CSNK2A2IP: variants seen among roughly 807,000 people sequenced by gnomAD.
CSNK2A2IP encodes casein kinase II subunit alpha'-interacting protein.
At chr3:88,436,416 A>AT in the CSNK2A2IP span, among the ~76,000 whole-genome samples, 66 of 152,002 alleles carry the variant, frequency 4.3e-4, no homozygotes, top group Middle Eastern at 0.021. Context: ...ATATAAATTA[A>AT]TTTTTTTTGT....
At chr3:88,457,974 T>G in the CSNK2A2IP span, among the ~76,000 whole-genome samples, 1 of 151,738 alleles carries the variant, frequency 6.6e-6, no homozygotes, top group East Asian at 1.9e-4. Flanking sequence ...TGTTCTTGAG[T>G]GAGCTTTGGA....
the CSNK2A2IP span, among the ~76,000 whole-genome samples, chr3:88,446,063 T>C: frequency 7.2e-6 from 1 of 138,424 alleles, no homozygotes; most frequent in Non-Finnish European, 1.6e-5. Flanking sequence ...TCTTTCTTTC[T>C]TTCTTTCTTT....
the CSNK2A2IP span, among the ~76,000 whole-genome samples, chr3:88,447,773 G>A: frequency 4.6e-5 from 7 of 151,930 alleles, no homozygotes; most frequent in South Asian, 2.1e-4. Context: ...TATGAATATC[G>A]TCAGAATACT....
the CSNK2A2IP span, among the ~76,000 whole-genome samples, chr3:88,354,630 G>A: frequency 6.6e-6 from 1 of 152,126 alleles, no homozygotes; most frequent in Non-Finnish European, 1.5e-5. Flanking sequence ...TGTCCACCAT[G>A]GCTTGGAAGT....
the CSNK2A2IP span, chr3:88,467,367 G>C: frequency 2.5e-5 from 10 of 398,376 alleles, no homozygotes; most frequent in East Asian, 3.2e-4. Flanking sequence ...TATTCCGTAA[G>C]GTACTTAGCT....
At chr3:88,421,572 G>A in the CSNK2A2IP span, among the ~76,000 whole-genome samples, 8 of 151,958 alleles carry the variant, frequency 5.3e-5, no homozygotes, top group Admixed American at 1.3e-4. Context: ...ATGCCACCAC[G>A]CCTGGCTAAC....
At chr3:88,368,054 A>G in the CSNK2A2IP span, among the ~76,000 whole-genome samples, 4 of 152,056 alleles carry the variant, frequency 2.6e-5, no homozygotes, top group Non-Finnish European at 5.9e-5. Context: ...TGGACTTCAG[A>G]CAATGTCATT....
the CSNK2A2IP span, among the ~76,000 whole-genome samples, chr3:88,360,510 A>G: frequency 1.3e-5 from 2 of 152,072 alleles, no homozygotes; most frequent in African/African-American, 2.4e-5. Context: ...TTTCATTTGC[A>G]TAGAACATCT....
chr3:88,393,046 G>T, the CSNK2A2IP span, among the ~76,000 whole-genome samples: 1 of 152,154 alleles, frequency 6.6e-6, no homozygotes, highest in African/African-American at 2.4e-5. Context: ...GTATCAGGAG[G>T]AAAGGAGGAA....
chr3:88,344,539 G>T, the CSNK2A2IP span, among the ~76,000 whole-genome samples: 2 of 151,888 alleles, frequency 1.3e-5, no homozygotes, highest in Non-Finnish European at 2.9e-5. Context: ...GAGTTTACAT[G>T]ATAGAAATTG....
At chr3:88,466,753 G>T in the CSNK2A2IP span, 1 of 853,516 alleles carries the variant, frequency 1.2e-6, no homozygotes, top group South Asian at 6.0e-5. Flanking sequence ...TCCTCATCCT[G>T]GTCCTCGCTT....
the CSNK2A2IP span, among the ~76,000 whole-genome samples, chr3:88,353,215 C>T: frequency 6.6e-5 from 10 of 152,146 alleles, no homozygotes; most frequent in African/African-American, 2.4e-4. Context: ...AAGGCATTCA[C>T]TCATTTATTC....
the CSNK2A2IP span, among the ~76,000 whole-genome samples, chr3:88,411,802 C>G: frequency 6.6e-6 from 1 of 150,956 alleles, no homozygotes. Context: ...ATATTATAAA[C>G]ATGTGAAATA....
chr3:88,455,124 C>G, the CSNK2A2IP span, among the ~76,000 whole-genome samples: 4 of 151,882 alleles, frequency 2.6e-5, no homozygotes, highest in African/African-American at 9.7e-5. Flanking sequence ...CACATTTTCT[C>G]TATACATTCA....
chr3:88,442,041 A>T, the CSNK2A2IP span, among the ~76,000 whole-genome samples: 1 of 152,196 alleles, frequency 6.6e-6, no homozygotes, highest in Non-Finnish European at 1.5e-5. Context: ...ATAGCTTTAC[A>T]TTAAAGGAGA....
the CSNK2A2IP span, among the ~76,000 whole-genome samples, chr3:88,431,675 A>T: frequency 6.6e-6 from 1 of 152,342 alleles, no homozygotes; most frequent in Admixed American, 6.5e-5. Context: ...GTTAGAAGCC[A>T]TTACATAAAT....
At chr3:88,411,536 C>A in the CSNK2A2IP span, among the ~76,000 whole-genome samples, 1 of 151,852 alleles carries the variant, frequency 6.6e-6, no homozygotes, top group Admixed American at 6.6e-5. Context: ...CTAATTGAAT[C>A]TCTGCTCAGC....
At chr3:88,422,547 T>C in the CSNK2A2IP span, among the ~76,000 whole-genome samples, 1 of 152,236 alleles carries the variant, frequency 6.6e-6, no homozygotes, top group Admixed American at 6.5e-5. Context: ...ATCTCAGCTT[T>C]CTATTGTAGG....
chr3:88,431,011 G>C, the CSNK2A2IP span, among the ~76,000 whole-genome samples: 1 of 152,220 alleles, frequency 6.6e-6, no homozygotes, highest in South Asian at 2.1e-4. Context: ...CTAAGACTTC[G>C]AAATTTGGGA....
Sources: allele counts gnomAD v4.1 joint callset (sites outside exome capture counted in the v4.1 genomes callset), GRCh38; gene constraint gnomAD v4.1.1; transcripts MANE v1.5; gene names NCBI Gene and HGNC (gene_info 2026-07-23, HGNC 2026-07-21).